The following NME7 variants were observed in gnomAD, a reference collection of about 807,000 sequenced individuals.
NME7 encodes NME/NM23 family member 7.
NME7 carries 41 observed loss-of-function variants against 49.1 expected under a neutral mutation model. The ratio of observed to expected loss-of-function variants is 0.83; its 90% CI spans 0.65 to 1.08. NME7 has a LOEUF of 1.08. NME7 is among the 50% of genes least tolerant of loss of function. The pLI is 0.00. For missense variants in NME7, 423 were observed against 463.4 expected (o/e 0.91, Z 0.80); for synonymous variants, 139 against 150.6 (o/e 0.92, Z 0.56).
chr1:169,319,049 TAATTTTAATTTA>T (rs1651760566), intron 3 of NME7, among the ~76,000 whole-genome samples: 1 of 150,880 alleles, frequency 6.6e-6, no homozygotes, highest in Non-Finnish European at 1.5e-5. Flanking sequence ...ATTTTAATTT[TAATTTTAATTTA>T]ATTTTTAAAT....
At chr1:169,248,458 A>G (rs992906289) in intron 7 of NME7, among the ~76,000 whole-genome samples, 1 of 151,872 alleles carries the variant, frequency 6.6e-6, no homozygotes, top group African/African-American at 2.4e-5. Context: ...ATTTCTTTTA[A>G]TGTACTGAAG....
intron 11 of NME7, among the ~76,000 whole-genome samples, chr1:169,153,842 A>T (rs953750570): frequency 6.7e-6 from 1 of 149,136 alleles, no homozygotes; most frequent in Admixed American, 6.7e-5. Context: ...GAGACTTTAA[A>T]CACCTGCCAC....
chr1:169,336,162 C>G (rs930583545), intron 1 of NME7, among the ~76,000 whole-genome samples: 4 of 151,330 alleles, frequency 2.6e-5, no homozygotes, highest in Admixed American at 2.0e-4. Context: ...ACAGCGCGTC[C>G]GGAGTTGTTC....
chr1:169,255,557 A>G (rs1223856906), intron 7 of NME7, among the ~76,000 whole-genome samples: 2 of 126,838 alleles, frequency 1.6e-5, no homozygotes, highest in African/African-American at 5.5e-5. Context: ...AATTTAGTCC[A>G]TTTACATTTA....
Position 169,324,485 on chromosome 1 carries a change from A to G in NME7, c.19T>C (p.Phe7Leu), listed in dbSNP as rs1317132283. 2.5e-6 allele frequency: 4 copies of G among 1,602,612 alleles called. No homozygotes were observed. Among genetic ancestry groups the G allele is most frequent in the Non-Finnish European group, 3.4e-6 (4 of 1,169,902 alleles). Reference protein sequence around the residue: MNHSERFVFIAEWYDPN... With the variant: MNHSERLVFIAEWYDPN... ...TCATACCACTCTGCAATGAAAACGA[A>G]TCTTTCACTATGATTCTGCAAAGAA... Residue 7 changes from phenylalanine to leucine, a missense_variant, in exon 2 of 12, where the codon TTC becomes CTC. Phe to Leu is a conservative substitution (Grantham distance 22). Coordinates refer to ENST00000367811, the MANE Select transcript of NME7 (RefSeq NM_013330.5).
chr1:169,149,383 A>G (rs1221089165), intron 11 of NME7, among the ~76,000 whole-genome samples: 2 of 152,036 alleles, frequency 1.3e-5, no homozygotes, highest in Non-Finnish European at 1.5e-5. Flanking sequence ...TAACTAAGAG[A>G]AGTTAATATT....
At chr1:169,226,276 T>C (rs1460562891) in intron 10 of NME7, among the ~76,000 whole-genome samples, 2 of 152,194 alleles carry the variant, frequency 1.3e-5, no homozygotes, top group Non-Finnish European at 2.9e-5. Flanking sequence ...TTCTATCTCT[T>C]CCTAGAGCTA....
rs866820108 is a variant in NME7 at position 169,335,174 on chromosome 1, G to A, written c.4-10674C>T. ...GTGATTCCTCAAGGATTTAGAACCA[G>A]AAATACCATTTGACCCAGTAATCCC... On this transcript the variant is annotated intron_variant, in intron 1 of 11. Coordinates refer to ENST00000367811, the MANE Select transcript of NME7 (RefSeq NM_013330.5). 4.6e-5 allele frequency among the ~76,000 whole-genome samples: 7 copies of A among 152,250 alleles called. No homozygotes were observed. The Middle Eastern group carries it at 0.02, about 444-fold the overall frequency.
At chr1:169,279,461 C>T (rs928916119) in intron 7 of NME7, among the ~76,000 whole-genome samples, 9 of 152,188 alleles carry the variant, frequency 5.9e-5, no homozygotes, top group African/African-American at 1.2e-4. Context: ...TAGCAATCAA[C>T]GAGACTCTGT....
chr1:169,264,331 G>T (rs1571338414), intron 7 of NME7, among the ~76,000 whole-genome samples: 1 of 133,982 alleles, frequency 7.5e-6, no homozygotes, highest in Non-Finnish European at 1.8e-5. Flanking sequence ...AAGATACATG[G>T]TATGCTGTCT....
chr1:169,132,722 C>G lies in NME7; in HGVS notation c.*63G>C. 1.4e-6 allele frequency: 2 copies of G among 1,460,676 alleles called. No homozygotes were observed. The highest frequency in any genetic ancestry group is 1.2e-5 in the South Asian group (1 of 85,752). 90.5% of individuals were successfully genotyped at this position (1,460,676 alleles called of 1,614,324 possible). A position where few individuals can be genotyped will look rare whatever the true frequency, so the allele number is the denominator to read the frequency against. On this transcript the variant is annotated 3_prime_UTR_variant, in exon 12 of 12. Coordinates refer to ENST00000367811, the MANE Select transcript of NME7 (RefSeq NM_013330.5). ...CGGACAATAAAAGAATGAACACATT[C>G]CTCGTGTGTGATTCACTCTTGTCTA... is the stretch of plus-strand genomic sequence containing the variant.
At chr1:169,191,606 G>C (rs1046065774) in intron 10 of NME7, among the ~76,000 whole-genome samples, 6 of 152,262 alleles carry the variant, frequency 3.9e-5, no homozygotes, top group African/African-American at 1.4e-4. Flanking sequence ...GACAGAAGTA[G>C]AAGTTATTCA....
intron 4 of NME7, among the ~76,000 whole-genome samples, chr1:169,303,697 C>A (rs146730776): frequency 0.012 from 1,855 of 152,138 alleles, 48 homozygotes; most frequent in African/African-American, 0.042. Context: ...GGTGATCCAC[C>A]CACCTCGGCC....
chr1:169,354,600 T>C (rs1244668289), intron 1 of NME7, among the ~76,000 whole-genome samples: 1 of 150,382 alleles, frequency 6.6e-6, no homozygotes, highest in African/African-American at 2.4e-5. Context: ...ATGTTTATTA[T>C]GCATTGCATG....
At chr1:169,299,084 A>G (rs891541585) in intron 5 of NME7, among the ~76,000 whole-genome samples, 3 of 152,168 alleles carry the variant, frequency 2.0e-5, no homozygotes, top group Admixed American at 6.6e-5. Flanking sequence ...TCTAACAGGT[A>G]CAGAGGATTT....
intron 4 of NME7, among the ~76,000 whole-genome samples, chr1:169,307,720 A>G (rs1651225541): frequency 6.6e-6 from 1 of 152,154 alleles, no homozygotes; most frequent in Non-Finnish European, 1.5e-5. Flanking sequence ...GATAGGTACT[A>G]TTATAAATCC....
chr1:169,266,956 T>C, intron 7 of NME7, among the ~76,000 whole-genome samples: 1 of 132,520 alleles, frequency 7.5e-6, no homozygotes, highest in Admixed American at 7.5e-5. Context: ...TAATCCCAGC[T>C]ACTTGGGAGG....
At chr1:169,205,155 A>G (rs1461985582) in intron 10 of NME7, among the ~76,000 whole-genome samples, 1 of 152,176 alleles carries the variant, frequency 6.6e-6, no homozygotes, top group African/African-American at 2.4e-5. Flanking sequence ...TTAAAAAACA[A>G]TACTTACTAT....
intron 11 of NME7, among the ~76,000 whole-genome samples, chr1:169,165,193 T>C (rs952520987): frequency 2.0e-5 from 3 of 152,198 alleles, no homozygotes; most frequent in African/African-American, 7.2e-5. Context: ...GCTAAGATCT[T>C]TGACCTCTCA....
Sources: allele counts gnomAD v4.1 joint callset (sites outside exome capture counted in the v4.1 genomes callset), GRCh38; gene constraint gnomAD v4.1.1; transcripts MANE v1.5; gene names NCBI Gene and HGNC (gene_info 2026-07-23, HGNC 2026-07-21).